Variants in EPB41L3 observed in about 807,000 individuals in gnomAD.
EPB41L3 encodes the protein band 4.1-like protein 3.
In EPB41L3, 57 loss-of-function variants were observed where a neutral mutation model predicts 127.1. That is an observed-to-expected ratio of 0.45 (90% CI 0.36 to 0.56). The LOEUF (loss-of-function observed/expected upper bound fraction) is 0.56, where lower values mean the gene tolerates loss of function less well. Among genes scored for constraint, EPB41L3 ranks in the 20% least tolerant of loss-of-function variants. The pLI, the probability that EPB41L3 is intolerant of heterozygous loss-of-function variation, is 0.00. For missense variants in EPB41L3, 1,273 were observed against 1,372.2 expected (o/e 0.93, Z 1.14); for synonymous variants, 572 against 549.5 (o/e 1.04, Z -0.57).
intron 5 of EPB41L3, among the ~76,000 whole-genome samples, chr18:5,441,511 G>T (rs1416514056): frequency 6.6e-6 from 1 of 150,386 alleles, no homozygotes; most frequent in South Asian, 2.1e-4. Context: ...TGTCGCCCAG[G>T]CTGGAGCGCA....
chr18:5,484,978 A>T (rs2089476607), intron 2 of EPB41L3, among the ~76,000 whole-genome samples: 1 of 152,036 alleles, frequency 6.6e-6, no homozygotes, highest in Admixed American at 6.6e-5. Context: ...ATACTTCCAA[A>T]CTCATGCTAC....
At chr18:5,503,636 C>A (rs2091924486) in intron 1 of EPB41L3, among the ~76,000 whole-genome samples, 1 of 152,214 alleles carries the variant, frequency 6.6e-6, no homozygotes, top group African/African-American at 2.4e-5. Flanking sequence ...CACCTCAAAG[C>A]TACTGAATAG....
intron 13 of EPB41L3, among the ~76,000 whole-genome samples, chr18:5,414,934 T>C (rs547069750): frequency 2.1e-4 from 32 of 152,328 alleles, no homozygotes; most frequent in African/African-American, 7.7e-4. Flanking sequence ...GGCTGATAGT[T>C]CAGGGTCTTT....
At chr18:5,505,744 A>C (rs1598416299) in intron 1 of EPB41L3, among the ~76,000 whole-genome samples, 4 of 96,322 alleles carry the variant, frequency 4.2e-5, no homozygotes, top group Non-Finnish European at 6.3e-5. Context: ...CCACACCTTC[A>C]CCTCCACCCC....
rs973358190 is a variant in EPB41L3, at chr18:5,428,370, C to T, written c.1008G>A (p.Lys336=). ...TCCGTTTGTATGAAATCTTTAGAACCTTGGGCCAGGCAAATCTGTTTATTC... is the reference window on the plus strand; with the variant it reads ...TCCGTTTGTATGAAATCTTTAGAACTTTGGGCCAGGCAAATCTGTTTATTC... ...RLRINRFAWP[K]VLKISYKRNN... The change falls in exon 9 of 23, where the codon AAG becomes AAA. Residue 336 remains lysine (K), a synonymous_variant. Transcript: ENST00000341928. The T allele has an allele frequency of 6.2e-7, 1 of 1,614,172 alleles. No individual in the cohort carries two copies. The highest frequency in any genetic ancestry group is 2.2e-5 in the East Asian group (1 of 44,874).
intron 3 of EPB41L3, among the ~76,000 whole-genome samples, chr18:5,566,783 T>C (rs77266681): frequency 0.058 from 4,449 of 76,360 alleles, 19 homozygotes; most frequent in East Asian, 0.11. Context: ...TATTCTATTC[T>C]ATTCTATTCC....
chr18:5,600,124 A>C (rs1599225251), intron 3 of EPB41L3, among the ~76,000 whole-genome samples: 1 of 152,208 alleles, frequency 6.6e-6, no homozygotes, highest in East Asian at 1.9e-4. Context: ...AAATTATTAA[A>C]TAAAATCATT....
At chr18:5,512,639 T>C (rs900490937) in intron 1 of EPB41L3, among the ~76,000 whole-genome samples, 10 of 152,094 alleles carry the variant, frequency 6.6e-5, no homozygotes, top group East Asian at 1.9e-4. Flanking sequence ...AGGAGGACCA[T>C]TGAGGAATGC....
chr18:5,513,312 G>A (rs1400736676), intron 1 of EPB41L3, among the ~76,000 whole-genome samples: 1 of 152,156 alleles, frequency 6.6e-6, no homozygotes, highest in African/African-American at 2.4e-5. Flanking sequence ...GAGCTGGAGA[G>A]GACCACAAAT....
chr18:5,615,292 A>G (rs1376252786), intron 1 of EPB41L3, among the ~76,000 whole-genome samples: 4 of 152,080 alleles, frequency 2.6e-5, no homozygotes, highest in African/African-American at 9.7e-5. Context: ...GATTTCACAG[A>G]GGTAGTCTGT....
chr18:5,553,944 G>A (rs994180316), intron 3 of EPB41L3, among the ~76,000 whole-genome samples: 1 of 152,074 alleles, frequency 6.6e-6, no homozygotes, highest in Non-Finnish European at 1.5e-5. Flanking sequence ...CACACTCCCC[G>A]TCCCACTCCA....
intron 22 of EPB41L3, 80 bp from the exon 23 acceptor site, chr18:5,393,558 T>C (rs747010676): frequency 4.4e-6 from 3 of 683,894 alleles, no homozygotes; most frequent in Non-Finnish European, 5.3e-6. Context: ...AAAAAAAGTA[T>C]CCTGGAAGTT....
intron 16 of EPB41L3, among the ~76,000 whole-genome samples, chr18:5,402,845 G>C (rs2074736396): frequency 6.6e-6 from 1 of 152,164 alleles, no homozygotes; most frequent in Non-Finnish European, 1.5e-5. Flanking sequence ...TTCCTGTTGG[G>C]TGATTAAAGG....
intron 13 of EPB41L3, among the ~76,000 whole-genome samples, chr18:5,412,071 T>C (rs2076266639): frequency 6.6e-6 from 1 of 152,212 alleles, no homozygotes; most frequent in South Asian, 2.1e-4. Context: ...GGGATTAGTA[T>C]GGCTGTACCG....
intron 3 of EPB41L3, among the ~76,000 whole-genome samples, chr18:5,559,063 T>G (rs2094083504): frequency 6.6e-6 from 1 of 152,104 alleles, no homozygotes; most frequent in South Asian, 2.1e-4. Flanking sequence ...AAAAAAAGAA[T>G]AATTTGGCAT....
At chr18:5,594,268 G>A (rs10164205) in intron 3 of EPB41L3, among the ~76,000 whole-genome samples, 1,806 of 152,188 alleles carry the variant, frequency 0.012, 27 homozygotes, top group African/African-American at 0.035. Context: ...GGCTTCAGCC[G>A]GTCCCTCCAT....
At chr18:5,395,211 G>T in intron 20 of EPB41L3, 64 bp from the exon 21 acceptor site, 2 of 1,380,948 alleles carry the variant, frequency 1.4e-6, no homozygotes, top group Non-Finnish European at 2.1e-6. Context: ...TGGTTCAGTA[G>T]GGGGAAATGG....
intron 1 of EPB41L3, among the ~76,000 whole-genome samples, chr18:5,496,228 T>A (rs548169725): frequency 6.6e-6 from 1 of 152,328 alleles, no homozygotes; most frequent in South Asian, 2.1e-4. Context: ...TTAGAATATA[T>A]AGAGAGAGAT....
chr18:5,562,406 A>G (rs1239922093), intron 3 of EPB41L3, among the ~76,000 whole-genome samples: 1 of 152,208 alleles, frequency 6.6e-6, no homozygotes, highest in Non-Finnish European at 1.5e-5. Flanking sequence ...CAATGAGAGT[A>G]GGGATCGTAA....
Sources: gnomAD v4.1 joint callset for allele counts (sites outside exome capture counted in the v4.1 genomes callset) on GRCh38, gnomAD v4.1.1 for gene constraint, MANE v1.5 for transcripts, NCBI Gene and HGNC (gene_info 2026-07-23, HGNC 2026-07-21) for gene names.